Variants in SUGP2 observed in about 807,000 individuals in gnomAD.
SUGP2 encodes SURP and G-patch domain containing 2.
Under a neutral mutation model 90.5 loss-of-function variants are expected in SUGP2, and 24 were observed. The observed-to-expected ratio is 0.27, with a 90% CI of 0.19 to 0.37. The LOEUF (loss-of-function observed/expected upper bound fraction) is 0.37, where lower values mean the gene tolerates loss of function less well. Among genes scored for constraint, SUGP2 ranks in the 10% least tolerant of loss-of-function variants. SUGP2 has a pLI of 1.00. For synonymous variants in SUGP2, 473 were observed against 513.4 expected, an observed-to-expected ratio of 0.92 and a Z score of 1.06; for missense variants, 1,233 against 1,363.3, an observed-to-expected ratio of 0.90 and a Z score of 1.51.
chr19:18,998,604 GTGTGTGTATGCA>G (rs375104100), intron 8 of SUGP2, among the ~76,000 whole-genome samples: 3,467 of 150,730 alleles, frequency 0.023, 128 homozygotes, highest in African/African-American at 0.082. Context: ...GTGTGTGTGC[GTGTGTGTATGCA>G]TGTGTGTGTG....
At position 19,025,972 on chromosome 19, in the gene SUGP2, G is replaced by A. The variant is rs372681526; in HGVS notation, c.376C>T (p.Arg126Trp). 47 of 1,613,940 alleles carry A rather than the reference G, an allele frequency of 2.9e-5. No individual in the cohort carries two copies. The highest frequency in any genetic ancestry group is 1.6e-4 in the Middle Eastern group (1 of 6,084). Residue 126 changes from arginine to tryptophan, a missense_variant, in exon 3 of 11, where the codon CGG (arginine) becomes TGG (tryptophan). Transcript: ENST00000452918. ...SDSRDQVIGH[R>W]KLGHFRSQDW... Reference sequence around the variant, plus strand: ...TGAGAACGGAAATGCCCCAATTTCCGGTGGCCAATGACCTGGTCCCGAGAA... The same window carrying A: ...TGAGAACGGAAATGCCCCAATTTCCAGTGGCCAATGACCTGGTCCCGAGAA...
rs751592332 is a variant in SUGP2 at position 19,025,804 on chromosome 19, C to T, written c.544G>A (p.Glu182Lys). ...TCCCGACTCTCCTTCTCCAAACACT[C>T]TTTCTCAATCAGCCTGGAAGATCCA... Reference protein sequence around the residue: ...DFGSSRLIEKECLEKESRDYD... With the variant: ...DFGSSRLIEKKCLEKESRDYD... The change falls in exon 3 of 11, where the codon GAG (glutamate) becomes AAG (lysine). Residue 182 changes from glutamate (E) to lysine (K), a missense_variant. Glu to Lys is a moderately conservative substitution (Grantham distance 56). Transcript: ENST00000452918. 7 of 1,614,116 alleles carry T rather than the reference C, an allele frequency of 4.3e-6. No homozygotes were observed. The highest frequency in any genetic ancestry group is 5.9e-6 in the Non-Finnish European group (7 of 1,180,020).
In SUGP2 at chr19:18,991,146, G is replaced by A. The variant is rs1005711723; in HGVS notation, c.*2595C>T. On this transcript the variant is annotated 3_prime_UTR_variant, in exon 11 of 11. Coordinates refer to ENST00000452918, the MANE Select transcript of SUGP2 (RefSeq NM_001017392.5). ...CTGTTGTCCTCTCGGGGGTGACCCT[G>A]GAACTAGAACGACAGAAAAGACACT... 3 of 152,084 alleles carry A rather than the reference G, an allele frequency of 2.0e-5. No homozygotes were observed. The highest frequency in any genetic ancestry group is 4.8e-5 in the African/African-American group (2 of 41,400). The allele number at this position is 152,084 out of a possible 1,614,324, so 9.4% of individuals were successfully genotyped here.
At chr19:19,002,505 GTTTTTTTTT>G (rs58282570) in intron 7 of SUGP2, among the ~76,000 whole-genome samples, 7 of 61,106 alleles carry the variant, frequency 1.1e-4, no homozygotes, top group Non-Finnish European at 1.1e-4. Flanking sequence ...TAGCAAGTCT[GTTTTTTTTT>G]TTTTTTTTTT....
intron 5 of SUGP2, among the ~76,000 whole-genome samples, chr19:19,009,586 G>A (rs975164708): frequency 6.6e-6 from 1 of 152,192 alleles, no homozygotes; most frequent in Non-Finnish European, 1.5e-5. Flanking sequence ...CCCAGCAGCA[G>A]GACCCTGTCG....
At chr19:19,031,246 A>C (rs1568472475) in intron 1 of SUGP2, 164 bp from the exon 2 acceptor site, 2 of 693,292 alleles carry the variant, frequency 2.9e-6, no homozygotes, top group South Asian at 4.1e-5. Context: ...AAATACAAAA[A>C]ATTCAGGCTG....
chr19:18,995,910 A>G (rs114643023), intron 8 of SUGP2, among the ~76,000 whole-genome samples: 69 of 152,270 alleles, frequency 4.5e-4, no homozygotes, highest in African/African-American at 1.5e-3. Context: ...GGGGAAGTGC[A>G]GCAATCTCTG....
At chr19:19,018,429 T>C (rs1005984299) in intron 4 of SUGP2, among the ~76,000 whole-genome samples, 2 of 152,024 alleles carry the variant, frequency 1.3e-5, no homozygotes, top group Non-Finnish European at 2.9e-5. Context: ...GGCTCACGCC[T>C]GTAATCCCAG....
chr19:19,019,324 C>G, intron 3 of SUGP2, 95 bp from the exon 4 acceptor site: 1 of 1,399,016 alleles, frequency 7.1e-7, no homozygotes, highest in Non-Finnish European at 9.6e-7. Context: ...AGTGCTGAAC[C>G]CAAGCAGGCA....
Position 19,033,510 on chromosome 19 carries a change from G to T in SUGP2, c.-85C>A. 7.1e-7 allele frequency: 1 copy of T among 1,404,882 alleles called. No individual in the cohort carries two copies. Among genetic ancestry groups the T allele is most frequent in the African/African-American group, 1.5e-5 (1 of 65,788 alleles). 87.0% of individuals were successfully genotyped at this position (1,404,882 alleles called of 1,614,324 possible). A position where few individuals can be genotyped will look rare whatever the true frequency, so the allele number is the denominator to read the frequency against. On this transcript the variant is annotated 5_prime_UTR_variant, in exon 1 of 11. Coordinates refer to ENST00000452918, the MANE Select transcript of SUGP2 (RefSeq NM_001017392.5). Reference sequence around the variant, plus strand: ...TCACCCGCCGCCGCCGCCGCGCGAGGCGGGGACATGCAAATGAACCAACGG... The same window carrying T: ...TCACCCGCCGCCGCCGCCGCGCGAGTCGGGGACATGCAAATGAACCAACGG...
chr19:18,996,715 C>A (rs1176879512), intron 8 of SUGP2, among the ~76,000 whole-genome samples: 5 of 152,224 alleles, frequency 3.3e-5, no homozygotes, highest in Admixed American at 3.3e-4. Context: ...ACCACGCCCA[C>A]CTATTTTTGT....
At chr19:19,000,790 C>T (rs1020876738) in intron 8 of SUGP2, among the ~76,000 whole-genome samples, 5 of 151,850 alleles carry the variant, frequency 3.3e-5, no homozygotes, top group African/African-American at 9.7e-5. Flanking sequence ...ACTGCAGCCA[C>T]GACCTCTCAG....
chr19:18,993,443 C>G lies in SUGP2; in HGVS notation c.*298G>C, dbSNP rs950196475. The G allele has an allele frequency of 6.6e-6, 1 of 152,212 alleles. No individual in the cohort carries two copies. Among genetic ancestry groups the G allele is most frequent in the African/African-American group, 2.4e-5 (1 of 41,446 alleles). 9.4% of individuals were successfully genotyped at this position (152,212 alleles called of 1,614,324 possible). A position where few individuals can be genotyped will look rare whatever the true frequency, so the allele number is the denominator to read the frequency against. On this transcript the variant is annotated 3_prime_UTR_variant, in exon 11 of 11. Transcript: ENST00000452918. ...TCCTCAGCACTCACAGGCTGAGGTG[C>G]CTTTCGGGGGCAGCGCCACCTTCTG...
chr19:19,018,264 G>A (rs1187593830), intron 4 of SUGP2, among the ~76,000 whole-genome samples: 4 of 151,860 alleles, frequency 2.6e-5, no homozygotes, highest in Admixed American at 6.6e-5. Flanking sequence ...CTCAGGAGAC[G>A]GAGGTTGCAG....
intron 4 of SUGP2, 90 bp downstream of exon 4, chr19:19,019,019 C>T: frequency 7.0e-7 from 1 of 1,426,180 alleles, no homozygotes; most frequent in South Asian, 1.3e-5. Context: ...TCAAGTATCT[C>T]ACCCTCTGCT....
At chr19:19,021,576 T>C (rs542970292) in intron 3 of SUGP2, among the ~76,000 whole-genome samples, 1 of 152,180 alleles carries the variant, frequency 6.6e-6, no homozygotes, top group African/African-American at 2.4e-5. Flanking sequence ...GGCCCAGCAA[T>C]CCTACTCCTG....
At chr19:19,003,450 A>C (rs985125548) in intron 7 of SUGP2, 1 of 152,348 alleles carries the variant, frequency 6.6e-6, no homozygotes. Context: ...AAAAGGCCAC[A>C]TGCGATGCAA....
chr19:19,004,163 C>T lies in SUGP2; in HGVS notation c.2929+5G>A, dbSNP rs1470399747. On this transcript the variant is annotated splice_donor_5th_base_variant and intron_variant, in intron 7 of 10. Transcript: ENST00000452918. The stretch of plus-strand genomic sequence containing the variant: ...AGGCAACTGTGCCGACAGGCGGGCA[C>T]TCACCTTTTGGCTCCTGGATGAGAC... 2 of 1,543,076 alleles carry T rather than the reference C, an allele frequency of 1.3e-6. No individual in the cohort carries two copies. Among genetic ancestry groups the T allele is most frequent in the Non-Finnish European group, 1.8e-6 (2 of 1,142,848 alleles).
intron 4 of SUGP2, among the ~76,000 whole-genome samples, chr19:19,012,851 G>A (rs2058356288): frequency 6.6e-6 from 1 of 152,048 alleles, no homozygotes; most frequent in African/African-American, 2.4e-5. Flanking sequence ...CTCTTATCAT[G>A]GTTTTGGACT....
Sources: gnomAD v4.1 joint callset for allele counts (sites outside exome capture counted in the v4.1 genomes callset) on GRCh38, gnomAD v4.1.1 for gene constraint, MANE v1.5 for transcripts, NCBI Gene and HGNC (gene_info 2026-07-23, HGNC 2026-07-21) for gene names.